MCM8: variants seen among roughly 807,000 people sequenced by gnomAD.
MCM8 encodes the protein minichromosome maintenance 8 homologous recombination repair factor.
Under a neutral mutation model 98.9 loss-of-function variants are expected in MCM8, and 85 were observed. The observed-to-expected ratio is 0.86, with a 90% CI of 0.72 to 1.03. The LOEUF is 1.03. MCM8 is among the 50% of genes least tolerant of loss of function. The pLI, the probability that MCM8 is intolerant of heterozygous loss-of-function variation, is 0.00. For synonymous variants in MCM8, 352 were observed against 338.6 expected, an observed-to-expected ratio of 1.04 and a Z score of -0.44; for missense variants, 951 against 997.8, an observed-to-expected ratio of 0.95 and a Z score of 0.63.
intron 13 of MCM8, 149 bp downstream of exon 13, chr20:5,978,166 G>A: frequency 1.2e-6 from 1 of 825,442 alleles, no homozygotes; most frequent in Non-Finnish European, 1.9e-6. Context: ...ATAATCATTG[G>A]AAATGCAGTA....
At chr20:5,960,771 A>G (rs933643229) in intron 7 of MCM8, among the ~76,000 whole-genome samples, 7 of 152,086 alleles carry the variant, frequency 4.6e-5, no homozygotes, top group Admixed American at 2.6e-4. Flanking sequence ...CCCCATCTCT[A>G]CTAAAAATTC....
intron 10 of MCM8, among the ~76,000 whole-genome samples, chr20:5,971,647 T>C (rs1200048773): frequency 2.0e-5 from 3 of 152,188 alleles, no homozygotes; most frequent in Non-Finnish European, 4.4e-5. Context: ...GGCTGCACAG[T>C]CTCAAGATGT....
In MCM8 at chr20:5,952,125, G is replaced by A; in HGVS notation, c.110G>A (p.Arg37Lys). The part of the protein sequence containing the change: ...FSGKWREREH[R>K]PDLSKTTGKR... ...GGAAAATGGAGAGAAAGAGAACACA[G>A]ACCTGATCTGAGTAAAACCACAGGA... The change falls in exon 2 of 19, where the codon AGA becomes AAA. Residue 37 changes from arginine to lysine, a missense_variant. By Grantham distance (26) the Arg-to-Lys change is conservative. Coordinates refer to ENST00000610722, the MANE Select transcript of MCM8 (RefSeq NM_032485.6). 1 of 1,613,954 alleles carries A rather than the reference G, an allele frequency of 6.2e-7. No individual in the cohort carries two copies. Among genetic ancestry groups the A allele is most frequent in the Non-Finnish European group, 8.5e-7 (1 of 1,179,992 alleles).
Position 5,952,117 on chromosome 20 carries a change from A to C in MCM8, c.102A>C (p.Arg34Ser). 1.2e-6 allele frequency: 2 copies of C among 1,614,102 alleles called. No individual in the cohort carries two copies. The highest frequency in any genetic ancestry group is 1.7e-6 in the Non-Finnish European group (2 of 1,180,008). The change falls in exon 2 of 19, where the codon AGA becomes AGC. Residue 34 changes from arginine (R) to serine (S), a missense_variant. Physicochemically the swap from Arg to Ser is moderately radical, Grantham distance 110. Coordinates refer to ENST00000610722, the MANE Select transcript of MCM8 (RefSeq NM_032485.6). ...ACTTCTCAGGAAAATGGAGAGAAAGAGAACACAGACCTGATCTGAGTAAAA... is the reference window on the plus strand; with the variant it reads ...ACTTCTCAGGAAAATGGAGAGAAAGCGAACACAGACCTGATCTGAGTAAAA... ...GGNFSGKWRE[R>S]EHRPDLSKTT...
Position 5,967,501 on chromosome 20 carries a change from A to G in MCM8, c.941A>G (p.Glu314Gly). The change falls in exon 9 of 19, where the codon GAG becomes GGG. Residue 314 changes from glutamate (E) to glycine (G), a missense_variant. Physicochemically the swap from Glu to Gly is moderately conservative, Grantham distance 98. Coordinates refer to ENST00000610722, the MANE Select transcript of MCM8 (RefSeq NM_032485.6). ...CGGATTCCACGAACAATAGAATGTG[A>G]GCTTGTTCATGATCTTGTGGATAGC... ...AGRIPRTIEC[E>G]LVHDLVDSCV... 6.2e-7 allele frequency: 1 copy of G among 1,613,930 alleles called. No homozygotes were observed. Among genetic ancestry groups the G allele is most frequent in the Non-Finnish European group, 8.5e-7 (1 of 1,179,804 alleles).
At chr20:5,955,911 T>A (rs957816640) in intron 5 of MCM8, among the ~76,000 whole-genome samples, 6 of 152,086 alleles carry the variant, frequency 3.9e-5, no homozygotes, top group Non-Finnish European at 7.4e-5. Flanking sequence ...CCCGAGTGGC[T>A]GGGTGCACCA....
chr20:5,993,810 G>A, intron 18 of MCM8, 115 bp downstream of exon 18: 1 of 829,818 alleles, frequency 1.2e-6, no homozygotes, highest in Non-Finnish European at 1.8e-6. Context: ...CTTCTCAAAG[G>A]TTTTCAGCAT....
chr20:5,954,610 T>G lies in MCM8; in HGVS notation c.256T>G (p.Tyr86Asp). 2 of 1,600,982 alleles carry G rather than the reference T, an allele frequency of 1.2e-6. No individual in the cohort carries two copies. The highest frequency in any genetic ancestry group is 1.7e-6 in the Non-Finnish European group (2 of 1,168,638). Residue 86 changes from tyrosine (Y) to aspartate (D), a missense_variant and splice_region_variant, in exon 4 of 19, where the codon TAC becomes GAC. Physicochemically the swap from Tyr to Asp is radical, Grantham distance 160. Coordinates refer to ENST00000610722, the MANE Select transcript of MCM8 (RefSeq NM_032485.6). ...KGWKLYFSEV[Y>D]SDSSPLIEKI... ...TAATGCCATATTTGTTGGATTAGTT[T>G]ACAGCGATAGCTCTCCTTTGATTGA...
At chr20:5,987,452 A>G in intron 17 of MCM8, 94 bp downstream of exon 17, 1 of 890,712 alleles carries the variant, frequency 1.1e-6, no homozygotes, top group Non-Finnish European at 1.7e-6. Flanking sequence ...TATTTAGCCC[A>G]TTGGGTCACT....
At chr20:5,976,992 A>G (rs2089524799) in intron 12 of MCM8, among the ~76,000 whole-genome samples, 1 of 152,164 alleles carries the variant, frequency 6.6e-6, no homozygotes, top group Non-Finnish European at 1.5e-5. Context: ...AAATTAGGCT[A>G]ACACCAACTG....
In MCM8 at chr20:5,994,932, AGTGGTAGCCAT is replaced by A. The variant is rs948260816; in HGVS notation, c.*545_*555del. 2.8e-5 allele frequency: 5 copies of A among 178,066 alleles called. No homozygotes were observed. Among genetic ancestry groups the A allele is most frequent in the Non-Finnish European group, 4.9e-5 (4 of 82,138 alleles). 11.0% of individuals were successfully genotyped at this position (178,066 alleles called of 1,614,324 possible). On this transcript the variant is annotated 3_prime_UTR_variant, in exon 19 of 19. Coordinates refer to ENST00000610722, the MANE Select transcript of MCM8 (RefSeq NM_032485.6). ...GACTCAAAAAAATAAAAAAAATTGT[AGTGGTAGCCAT>A]GTGTTAATTGTTAAATAAATTCTCC... is the stretch of plus-strand genomic sequence containing the variant.
intron 13 of MCM8, among the ~76,000 whole-genome samples, chr20:5,982,534 G>A (rs531568264): frequency 6.6e-6 from 1 of 152,210 alleles, no homozygotes; most frequent in East Asian, 1.9e-4. Flanking sequence ...GCATACAAGT[G>A]TATAGTCAAT....
intron 8 of MCM8, among the ~76,000 whole-genome samples, chr20:5,966,225 A>G (rs574625625): frequency 1.7e-4 from 26 of 152,176 alleles, no homozygotes; most frequent in African/African-American, 5.5e-4. Flanking sequence ...TGAAACAGTG[A>G]AAGTGTATCT....
chr20:5,991,471 G>A (rs2089850427), intron 17 of MCM8: 1 of 151,864 alleles, frequency 6.6e-6, no homozygotes, highest in Non-Finnish European at 1.5e-5. Flanking sequence ...CTGGGCCCCT[G>A]AAAAAAAGAG....
In MCM8 at chr20:5,958,627, T is replaced by C. The variant is rs755972595; in HGVS notation, c.690T>C (p.Asn230=). The change falls in exon 7 of 19, where the codon AAT becomes AAC. Residue 230 remains asparagine, a synonymous_variant. Transcript: ENST00000610722. Reference sequence around the variant, plus strand: ...GAGGGACAGTGGTTCGTGTCAGTAATATAAAGCCTCTTTGCACCAAGATGG... The same window carrying C: ...GAGGGACAGTGGTTCGTGTCAGTAACATAAAGCCTCTTTGCACCAAGATGG... ...ALRGTVVRVS[N]IKPLCTKMAF... is the part of the protein sequence containing the mutation. 8.7e-6 allele frequency: 14 copies of C among 1,614,174 alleles called. 1 individual carries two copies. In the South Asian group the frequency reaches 1.5e-4, roughly 18 times the overall value.
intron 5 of MCM8, among the ~76,000 whole-genome samples, 167 bp from the exon 6 acceptor site, chr20:5,956,959 A>G (rs1450626780): frequency 6.6e-6 from 1 of 152,206 alleles, no homozygotes; most frequent in African/African-American, 2.4e-5. Flanking sequence ...AACATCCACT[A>G]TAAAGTAAGT....
At chr20:5,968,085 T>C in intron 10 of MCM8, 60 bp downstream of exon 10, 4 of 1,461,104 alleles carry the variant, frequency 2.7e-6, no homozygotes, top group African/African-American at 1.4e-5. Context: ...TTCTCTTGGC[T>C]ACAGGTAACA....
In MCM8 at chr20:5,973,047, G is replaced by T. The variant is rs201464620; in HGVS notation, c.1255-9G>T. On this transcript the variant is annotated splice_polypyrimidine_tract_variant and intron_variant, in intron 11 of 18. Transcript: ENST00000610722. Reference sequence around the variant, plus strand: ...TACTTCTGTTTTTTGTTCTTTTTTCGCACTTGAGCTTGTTAAAGCAGGTTT... The same window carrying T: ...TACTTCTGTTTTTTGTTCTTTTTTCTCACTTGAGCTTGTTAAAGCAGGTTT... The T allele has an allele frequency of 3.6e-5, 58 of 1,606,910 alleles. No individual in the cohort carries two copies. In the African/African-American group the frequency reaches 7.0e-4, roughly 19 times the overall value.
Position 5,985,965 on chromosome 20 carries a change from T to C in MCM8, c.1997T>C (p.Leu666Ser). 6.2e-7 allele frequency: 1 copy of C among 1,613,666 alleles called. No homozygotes were observed. The highest frequency in any genetic ancestry group is 8.5e-7 in the Non-Finnish European group (1 of 1,179,510). ...ETIDPIPHQL[L>S]RKYIGYARQY... ...ATAGATCCCATTCCCCACCAGCTAT[T>C]GAGAAAGTACATTGGCTATGCTCGG... The change falls in exon 16 of 19, where the codon TTG (leucine) becomes TCG (serine). Residue 666 changes from leucine (L) to serine (S), a missense_variant. Coordinates refer to ENST00000610722, the MANE Select transcript of MCM8 (RefSeq NM_032485.6).
Sources: allele counts gnomAD v4.1 joint callset (sites outside exome capture counted in the v4.1 genomes callset), GRCh38; gene constraint gnomAD v4.1.1; transcripts MANE v1.5; gene names NCBI Gene and HGNC (gene_info 2026-07-23, HGNC 2026-07-21).